The following USH2A variants were observed in gnomAD, a reference collection of about 807,000 sequenced individuals.
USH2A encodes the protein Usher syndrome 2A (autosomal recessive, mild).
Under a neutral mutation model 538.9 loss-of-function variants are expected in USH2A, and 443 were observed. That is an observed-to-expected ratio of 0.82 (90% confidence interval 0.76 to 0.89). The LOEUF is 0.89. Among genes scored for constraint, USH2A ranks in the 40% least tolerant of loss-of-function variants. The pLI, the probability that USH2A is intolerant of heterozygous loss-of-function variation, is 0.00. For missense variants in USH2A, 6,633 were observed against 6,324.8 expected, an observed-to-expected ratio of 1.05 and a Z score of -1.65; for synonymous variants, 2,413 against 2,273.5, an observed-to-expected ratio of 1.06 and a Z score of -1.75.
At chr1:216,411,885 A>G (rs571324311) in intron 3 of USH2A, among the ~76,000 whole-genome samples, 1 of 152,298 alleles carries the variant, frequency 6.6e-6, no homozygotes, top group Admixed American at 6.5e-5. Flanking sequence ...GTACAGGCCT[A>G]GAAAACTAAT....
intron 22 of USH2A, among the ~76,000 whole-genome samples, chr1:216,092,289 G>A (rs1160101592): frequency 1.3e-5 from 2 of 152,038 alleles, no homozygotes; most frequent in Non-Finnish European, 2.9e-5. Flanking sequence ...GCCCTCACTG[G>A]ATCATACAGT....
At chr1:216,370,916 A>G (rs763909200) in intron 3 of USH2A, among the ~76,000 whole-genome samples, 32 of 152,206 alleles carry the variant, frequency 2.1e-4, no homozygotes, top group Middle Eastern at 3.4e-3. Context: ...CCTGTGTACT[A>G]TAACCACTTA....
chr1:215,958,451 T>G lies in USH2A; in HGVS notation c.7120+6866A>C, dbSNP rs764830510. Among the ~76,000 whole-genome samples the G allele has an allele frequency of 2.0e-3, 298 of 152,306 alleles. 1 individual carries two copies. Among genetic ancestry groups the G allele is most frequent in the Non-Finnish European group, 1.9e-3 (128 of 68,024 alleles). ...AGCAATGAAATACTTTCTGCATTTCTGCAGTTTCCGTTCCCCTTTAATTTC... is the reference window on the plus strand; with the variant it reads ...AGCAATGAAATACTTTCTGCATTTCGGCAGTTTCCGTTCCCCTTTAATTTC... On this transcript the variant is annotated intron_variant, in intron 37 of 71. Coordinates refer to ENST00000307340, the MANE Select transcript of USH2A (RefSeq NM_206933.4).
chr1:215,861,677 G>A (rs1429873087), intron 44 of USH2A, among the ~76,000 whole-genome samples: 3 of 152,120 alleles, frequency 2.0e-5, no homozygotes, highest in Non-Finnish European at 4.4e-5. Context: ...GATGCAGATT[G>A]TCTTTCACTT....
At chr1:216,162,004 G>A (rs1189647850) in intron 21 of USH2A, among the ~76,000 whole-genome samples, 1 of 151,942 alleles carries the variant, frequency 6.6e-6, no homozygotes, top group Non-Finnish European at 1.5e-5. Flanking sequence ...CAATTTGACT[G>A]TAATATACCT....
intron 60 of USH2A, among the ~76,000 whole-genome samples, chr1:215,729,768 C>G (rs1659938248): frequency 6.6e-6 from 1 of 152,146 alleles, no homozygotes; most frequent in South Asian, 2.1e-4. Context: ...GTAGCTAGGA[C>G]TACAGATGTG....
chr1:215,705,493 A>T (rs1659158898), intron 61 of USH2A, among the ~76,000 whole-genome samples: 3 of 152,266 alleles, frequency 2.0e-5, no homozygotes. Flanking sequence ...TACAGTGATT[A>T]TAAGATTGTT....
intron 21 of USH2A, among the ~76,000 whole-genome samples, chr1:216,122,073 C>T (rs1244019565): frequency 2.0e-5 from 3 of 152,156 alleles, no homozygotes; most frequent in East Asian, 1.9e-4. Context: ...AGGGCTGTCA[C>T]AAGAATGACA....
At chr1:216,393,550 CTT>C (rs1449980265) in intron 3 of USH2A, among the ~76,000 whole-genome samples, 1 of 151,976 alleles carries the variant, frequency 6.6e-6, no homozygotes, top group Non-Finnish European at 1.5e-5. Flanking sequence ...TCTTATGACT[CTT>C]GATTTTTTTA....
intron 3 of USH2A, among the ~76,000 whole-genome samples, chr1:216,395,668 G>A (rs535591550): frequency 7.9e-5 from 12 of 152,344 alleles, no homozygotes; most frequent in African/African-American, 2.9e-4. Flanking sequence ...CAAGGCTCAT[G>A]CCCCTTAGGG....
intron 64 of USH2A, among the ~76,000 whole-genome samples, chr1:215,661,045 A>T (rs1296633739): frequency 6.6e-6 from 1 of 152,224 alleles, no homozygotes; most frequent in Non-Finnish European, 1.5e-5. Flanking sequence ...AAGTCTTCAG[A>T]TTTACTTAGT....
At chr1:216,188,015 A>T (rs1021427537) in intron 20 of USH2A, among the ~76,000 whole-genome samples, 16 of 151,900 alleles carry the variant, frequency 1.1e-4, no homozygotes, top group African/African-American at 3.9e-4. Flanking sequence ...ACTTTTAGCG[A>T]ATATAAGTTT....
intron 3 of USH2A, among the ~76,000 whole-genome samples, chr1:216,389,131 T>G (rs1486277924): frequency 6.6e-6 from 1 of 152,178 alleles, no homozygotes; most frequent in East Asian, 1.9e-4. Flanking sequence ...CATCGCATGC[T>G]TCAGTATAAA....
intron 11 of USH2A, among the ~76,000 whole-genome samples, chr1:216,269,107 T>A (rs941804164): frequency 2.0e-5 from 3 of 152,052 alleles, no homozygotes; most frequent in Non-Finnish European, 2.9e-5. Flanking sequence ...CTTAGAAAGA[T>A]CAAATTACTT....
chr1:215,671,540 T>C (rs1274111165), intron 63 of USH2A, among the ~76,000 whole-genome samples: 1 of 152,096 alleles, frequency 6.6e-6, no homozygotes, highest in East Asian at 1.9e-4. Flanking sequence ...AAAAAAATTA[T>C]ATTTCCATGG....
At chr1:215,747,794 T>C (rs185283752) in intron 58 of USH2A, among the ~76,000 whole-genome samples, 53 of 152,248 alleles carry the variant, frequency 3.5e-4, no homozygotes, top group African/African-American at 1.3e-3. Context: ...CATTTCTCCC[T>C]ATTGTTACCC....
chr1:216,079,179 A>G (rs556340974), intron 26 of USH2A: 1 of 152,272 alleles, frequency 6.6e-6, no homozygotes, highest in African/African-American at 2.4e-5. Context: ...CCATAAAAGC[A>G]TCATCTTCAG....
At chr1:215,920,835 T>C (rs915299187) in intron 38 of USH2A, among the ~76,000 whole-genome samples, 1 of 152,074 alleles carries the variant, frequency 6.6e-6, no homozygotes, top group African/African-American at 2.4e-5. Flanking sequence ...CTTCAGATTT[T>C]GATGAGGAAA....
intron 30 of USH2A, among the ~76,000 whole-genome samples, chr1:216,057,520 C>CA (rs140693748): frequency 0.046 from 6,892 of 151,276 alleles, 375 homozygotes; most frequent in African/African-American, 0.13. Context: ...AAAACAAAAA[C>CA]AAAAAAAACA....
Sources: gnomAD v4.1 joint callset for allele counts (sites outside exome capture counted in the v4.1 genomes callset) on GRCh38, gnomAD v4.1.1 for gene constraint, MANE v1.5 for transcripts, NCBI Gene and HGNC (gene_info 2026-07-23, HGNC 2026-07-21) for gene names.